Variants in DTNA observed in about 807,000 individuals in gnomAD.
DTNA encodes the protein dystrophin-related protein 3.
Under a neutral mutation model 100.7 loss-of-function variants are expected in DTNA, and 43 were observed. The ratio of observed to expected loss-of-function variants is 0.43; its 90% CI spans 0.33 to 0.55. DTNA has a LOEUF of 0.55. Ranked by LOEUF, DTNA falls within the 20% of genes least tolerant of loss-of-function variation. The probability of loss-of-function intolerance (pLI) is 0.04; values close to 1 mark genes in which losing one functional copy is unlikely to be tolerated. For synonymous variants in DTNA, 349 were observed against 347.9 expected (o/e 1.00, Z -0.04); for missense variants, 798 against 953.9 (o/e 0.84, Z 2.15).
chr18:34,855,996 C>A (rs984994350), intron 15 of DTNA, among the ~76,000 whole-genome samples: 1 of 152,190 alleles, frequency 6.6e-6, no homozygotes, highest in South Asian at 2.1e-4. Context: ...AAGGCCCCAA[C>A]AACCCTGGCC....
chr18:34,721,749 C>T (rs367580713), intron 1 of DTNA, among the ~76,000 whole-genome samples: 53 of 152,292 alleles, frequency 3.5e-4, no homozygotes, highest in Middle Eastern at 6.8e-3. Flanking sequence ...ATGAAATTCC[C>T]AAGTATATTC....
intron 17 of DTNA, chr18:34,866,177 C>G: frequency 1.2e-6 from 2 of 1,614,098 alleles, no homozygotes; most frequent in Non-Finnish European, 1.7e-6. Context: ...AGTGGAGGGG[C>G]CTGCCGACCT....
chr18:34,508,387 G>T (rs1339593217), intron 1 of DTNA, among the ~76,000 whole-genome samples: 1 of 152,026 alleles, frequency 6.6e-6, no homozygotes, highest in African/African-American at 2.4e-5. Context: ...GGGATTTACT[G>T]TTTACTGTAT....
chr18:34,758,954 C>T (rs1325359174), intron 2 of DTNA, among the ~76,000 whole-genome samples: 1 of 152,052 alleles, frequency 6.6e-6, no homozygotes, highest in Non-Finnish European at 1.5e-5. Flanking sequence ...TTACTATAAG[C>T]AGCAGAAGCA....
At chr18:34,793,840 C>A (rs926287630) in intron 3 of DTNA, among the ~76,000 whole-genome samples, 197 bp from the exon 4 acceptor site, 4 of 152,150 alleles carry the variant, frequency 2.6e-5, no homozygotes, top group African/African-American at 7.2e-5. Flanking sequence ...GTCAGTAAAT[C>A]ATTTGCTTGC....
chr18:34,715,986 A>G (rs898331075), intron 1 of DTNA, among the ~76,000 whole-genome samples: 5 of 152,122 alleles, frequency 3.3e-5, no homozygotes, highest in African/African-American at 1.2e-4. Context: ...CTGGTTTAGG[A>G]AAAGTCTGGA....
chr18:34,818,549 C>T (rs1208941352), intron 8 of DTNA: 3 of 1,422,582 alleles, frequency 2.1e-6, no homozygotes, highest in Non-Finnish European at 2.8e-6. Context: ...TATAGGAAGA[C>T]TCAAAACTAT....
At chr18:34,681,228 T>C (rs764709440) in intron 1 of DTNA, among the ~76,000 whole-genome samples, 5 of 152,194 alleles carry the variant, frequency 3.3e-5, no homozygotes, top group Non-Finnish European at 7.3e-5. Flanking sequence ...ACTTCATTAA[T>C]TTCTTCCAAA....
intron 13 of DTNA, among the ~76,000 whole-genome samples, chr18:34,842,523 C>G (rs2096287314): frequency 2.6e-5 from 4 of 152,130 alleles, no homozygotes; most frequent in African/African-American, 9.7e-5. Context: ...TGTGACTTAG[C>G]CCTTGCCTAC....
In DTNA at chr18:34,519,025, A is replaced by G. The variant is rs188981409; in HGVS notation, c.-2+25511A>G. On this transcript the variant is annotated intron_variant, in intron 1 of 19. Transcript: ENST00000283365. Reference sequence around the variant, plus strand: ...GAGTGAATAGATCTGAGGAGTATTTATCAGAGCCTTGCAGAGAATGGTTTA... The same window carrying G: ...GAGTGAATAGATCTGAGGAGTATTTGTCAGAGCCTTGCAGAGAATGGTTTA... Among the ~76,000 whole-genome samples the G allele has an allele frequency of 5.3e-5, 8 of 152,212 alleles. No homozygotes were observed. In the East Asian group the frequency reaches 1.6e-3, roughly 29 times the overall value.
At chr18:34,713,676 A>C (rs1384240923) in intron 1 of DTNA, among the ~76,000 whole-genome samples, 1 of 151,810 alleles carries the variant, frequency 6.6e-6, no homozygotes, top group African/African-American at 2.4e-5. Flanking sequence ...GAAGAAAGGC[A>C]TTGGTAGCTT....
intron 1 of DTNA, among the ~76,000 whole-genome samples, chr18:34,651,584 T>C (rs948573546): frequency 6.6e-6 from 1 of 152,226 alleles, no homozygotes; most frequent in African/African-American, 2.4e-5. Context: ...CATTGAGCTA[T>C]GTACTGGAAA....
chr18:34,837,279 A>G (rs2096172000), intron 11 of DTNA, among the ~76,000 whole-genome samples: 1 of 152,210 alleles, frequency 6.6e-6, no homozygotes, highest in Non-Finnish European at 1.5e-5. Context: ...AAGAATCAAT[A>G]CCATAGTTCT....
chr18:34,861,230 C>CA (rs1311986939), intron 16 of DTNA, among the ~76,000 whole-genome samples: 1 of 151,988 alleles, frequency 6.6e-6, no homozygotes. Flanking sequence ...TCACACCTGT[C>CA]ATCTCAGCAC....
At chr18:34,853,012 T>C (rs2096501435) in intron 15 of DTNA, among the ~76,000 whole-genome samples, 1 of 152,164 alleles carries the variant, frequency 6.6e-6, no homozygotes, top group Non-Finnish European at 1.5e-5. Context: ...CATGGCTAAA[T>C]GGTCCCTGGA....
intron 1 of DTNA, among the ~76,000 whole-genome samples, chr18:34,507,434 T>G (rs1043531507): frequency 3.9e-5 from 6 of 152,320 alleles, no homozygotes; most frequent in Non-Finnish European, 8.8e-5. Flanking sequence ...TTTCTTTTGA[T>G]GTAAAAATTA....
chr18:34,494,049 T>TCGCAGCGC (rs1293724799), intron 1 of DTNA: 8 of 150,972 alleles, frequency 5.3e-5, no homozygotes, highest in Non-Finnish European at 1.0e-4. Context: ...TCGAAGGCCT[T>TCGCAGCGC]CGCAGCGCCG....
intron 9 of DTNA, among the ~76,000 whole-genome samples, chr18:34,824,454 C>T (rs964847148): frequency 1.3e-5 from 2 of 150,274 alleles, no homozygotes; most frequent in Admixed American, 6.6e-5. Flanking sequence ...CCAGCCTAGG[C>T]GACAGAGCAA....
At chr18:34,877,547 TTTG>T (rs1555891227) in intron 18 of DTNA, among the ~76,000 whole-genome samples, 169 bp from the exon 19 acceptor site, 6 of 152,256 alleles carry the variant, frequency 3.9e-5, no homozygotes, top group East Asian at 3.9e-4. Flanking sequence ...TAAGCAGTGT[TTTG>T]TTGTTGTTGT....
Sources: gnomAD v4.1 joint callset for allele counts (sites outside exome capture counted in the v4.1 genomes callset) on GRCh38, gnomAD v4.1.1 for gene constraint, MANE v1.5 for transcripts, NCBI Gene and HGNC (gene_info 2026-07-23, HGNC 2026-07-21) for gene names.